Variants in RB1 observed in about 807,000 individuals in gnomAD.
The protein encoded by RB1 is RB transcriptional corepressor 1.
A neutral mutation model predicts 135.4 loss-of-function variants in RB1; 18 were observed. The observed-to-expected ratio is 0.13, with a 90% CI of 0.09 to 0.20. The LOEUF (loss-of-function observed/expected upper bound fraction) is 0.20. Ranked by LOEUF, RB1 falls within the 10% of genes least tolerant of loss-of-function variation. RB1 has a pLI of 1.00. For synonymous variants in RB1, 365 were observed against 373.2 expected (o/e 0.98, Z 0.25); for missense variants, 868 against 1,110.0 (o/e 0.78, Z 3.10).
intron 17 of RB1, among the ~76,000 whole-genome samples, chr13:48,386,385 C>G (rs1948572129): frequency 6.6e-6 from 1 of 151,290 alleles, no homozygotes; most frequent in Admixed American, 6.6e-5. Context: ...AATCTCCACT[C>G]TTGAGTATGT....
intron 2 of RB1, among the ~76,000 whole-genome samples, chr13:48,316,604 A>C (rs754173543): frequency 7.2e-5 from 11 of 152,148 alleles, no homozygotes; most frequent in Admixed American, 1.3e-4. Flanking sequence ...AGCTACAGAA[A>C]TCATATTTAC....
At chr13:48,371,556 T>C (rs796363202) in intron 11 of RB1, among the ~76,000 whole-genome samples, 40 of 152,218 alleles carry the variant, frequency 2.6e-4, no homozygotes, top group African/African-American at 8.9e-4. Flanking sequence ...TTGATAAATA[T>C]TTGATGAATT....
At chr13:48,389,232 AGTCTGAGTGAGTGCTT>A (rs1948594007) in intron 17 of RB1, among the ~76,000 whole-genome samples, 1 of 152,076 alleles carries the variant, frequency 6.6e-6, no homozygotes, top group Non-Finnish European at 1.5e-5. Context: ...AACATTACAA[AGTCTGAGTGAGTGCTT>A]GCTCACTCAG....
rs143476630 is a variant in RB1, at chr13:48,451,022, T to G, written c.1696-1971T>G. Among the ~76,000 whole-genome samples, 1,001 of 152,310 alleles carry G rather than the reference T, an allele frequency of 6.6e-3. 20 individuals are homozygous for G. Among genetic ancestry groups the G allele is most frequent in the Non-Finnish European group, 4.5e-3 (309 of 68,026 alleles). ...AGGAATGCTAGCGATTATTGCACAT[T>G]GATTTTGTATCTGAGAGTTTGCTGA... On this transcript the variant is annotated intron_variant, in intron 17 of 26. Transcript: ENST00000267163.
At chr13:48,327,367 A>C (rs1421829581) in intron 2 of RB1, among the ~76,000 whole-genome samples, 2 of 152,200 alleles carry the variant, frequency 1.3e-5, no homozygotes, top group Non-Finnish European at 2.9e-5. Context: ...AGAGAAGCAC[A>C]TTCAAAATAC....
intron 23 of RB1, among the ~76,000 whole-genome samples, chr13:48,466,451 A>T (rs1949445186): frequency 6.9e-6 from 1 of 143,932 alleles, no homozygotes; most frequent in African/African-American, 2.5e-5. Context: ...AACCACAAAG[A>T]TGGGGAAAAA....
At chr13:48,357,843 T>C (rs7329938) in intron 6 of RB1, among the ~76,000 whole-genome samples, 11,903 of 152,234 alleles carry the variant, frequency 0.078, 637 homozygotes, top group South Asian at 0.14. Flanking sequence ...AGTTATTTAT[T>C]AGAATTTACA....
Position 48,380,230 on chromosome 13 carries a change from C to G in RB1, c.1487C>G (p.Ala496Gly), listed in dbSNP as rs560971404. ...LLACALEVVM[A>G]TYSRSTSQNL... is the part of the protein sequence containing the mutation. ...GCGTGCGCTCTTGAGGTTGTAATGG[C>G]CACATATAGCAGTAAGTTAAATTTT... Residue 496 changes from alanine to glycine, a missense_variant, in exon 16 of 27, where the codon GCC becomes GGC. Coordinates refer to ENST00000267163, the MANE Select transcript of RB1 (RefSeq NM_000321.3). The G allele has an allele frequency of 6.3e-7, 1 of 1,595,334 alleles. No homozygotes were observed. The highest frequency in any genetic ancestry group is 8.6e-7 in the Non-Finnish European group (1 of 1,165,644).
intron 2 of RB1, among the ~76,000 whole-genome samples, chr13:48,332,413 TA>T (rs1029233804): frequency 2.6e-5 from 4 of 152,038 alleles, no homozygotes; most frequent in Non-Finnish European, 2.9e-5. Context: ...TACGAAAAAT[TA>T]AAAAAAATTT....
At chr13:48,474,438 GACCAAAT>G (rs1252431775) in intron 24 of RB1, among the ~76,000 whole-genome samples, 2 of 152,138 alleles carry the variant, frequency 1.3e-5, no homozygotes, top group Non-Finnish European at 2.9e-5. Flanking sequence ...CAGGGACAAA[GACCAAAT>G]ATCTTTCAAT....
chr13:48,446,119 G>A (rs1315935932), intron 17 of RB1, among the ~76,000 whole-genome samples: 1 of 151,964 alleles, frequency 6.6e-6, no homozygotes, highest in Non-Finnish European at 1.5e-5. Flanking sequence ...CACCATGCCC[G>A]GCTAATTTTT....
At chr13:48,456,124 G>T (rs2138330653) in intron 18 of RB1, 80 bp from the exon 19 acceptor site, 2 of 1,589,896 alleles carry the variant, frequency 1.3e-6, no homozygotes, top group Non-Finnish European at 1.7e-6. Context: ...ATGTATCTGG[G>T]TGTACAACCT....
At chr13:48,385,313 A>G (rs1948563882) in intron 17 of RB1, among the ~76,000 whole-genome samples, 1 of 152,212 alleles carries the variant, frequency 6.6e-6, no homozygotes, top group Non-Finnish European at 1.5e-5. Context: ...TGTTGGAAGA[A>G]GACCCTACCA....
chr13:48,371,466 G>A (rs1952757656), intron 11 of RB1, among the ~76,000 whole-genome samples: 1 of 152,164 alleles, frequency 6.6e-6, no homozygotes, highest in African/African-American at 2.4e-5. Flanking sequence ...CTCTGGGCTT[G>A]TCTGTTGTAG....
At chr13:48,438,585 A>G (rs1949206516) in intron 17 of RB1, among the ~76,000 whole-genome samples, 1 of 151,736 alleles carries the variant, frequency 6.6e-6, no homozygotes, top group African/African-American at 2.4e-5. Flanking sequence ...TGTAAACTAT[A>G]GCATAAAAGT....
Position 48,348,843 on chromosome 13 carries a change from A to G in RB1, c.540-113A>G, listed in dbSNP as rs914418442. 1.1e-4 allele frequency: 135 copies of G among 1,280,128 alleles called. No homozygotes were observed. The African/African-American group carries it at 1.9e-3, about 18-fold the overall frequency. 79.3% of individuals were successfully genotyped at this position (1,280,128 alleles called of 1,614,324 possible). A position where few individuals can be genotyped will look rare whatever the true frequency, so the allele number is the denominator to read the frequency against. ...CTGCATTCTATTATGCATTTAACTA[A>G]GGTCATTTTTTTTTTAATGCACAAA... is the stretch of plus-strand genomic sequence containing the variant. On this transcript the variant is annotated intron_variant, in intron 5 of 26. Coordinates refer to ENST00000267163, the MANE Select transcript of RB1 (RefSeq NM_000321.3).
chr13:48,308,942 GT>G (rs1952109289), intron 2 of RB1, among the ~76,000 whole-genome samples: 2 of 151,942 alleles, frequency 1.3e-5, no homozygotes, highest in Admixed American at 6.6e-5. Flanking sequence ...TCTTATTAAA[GT>G]TTTTTTGTAA....
At chr13:48,411,606 T>C (rs988997527) in intron 17 of RB1, 2 of 1,612,082 alleles carry the variant, frequency 1.2e-6, no homozygotes, top group East Asian at 4.5e-5. Flanking sequence ...AGTGATTGGG[T>C]ACATTGTCCT....
intron 17 of RB1, chr13:48,411,150 A>AT (rs772849643): frequency 1.8e-4 from 72 of 391,582 alleles, no homozygotes; most frequent in East Asian, 2.6e-4. Flanking sequence ...ACTTTAAGAG[A>AT]TTTTTTTTAA....
Sources: gnomAD v4.1 joint callset for allele counts (sites outside exome capture counted in the v4.1 genomes callset) on GRCh38, gnomAD v4.1.1 for gene constraint, MANE v1.5 for transcripts, NCBI Gene and HGNC (gene_info 2026-07-23, HGNC 2026-07-21) for gene names.